The following ADRA1B variants were observed in gnomAD, a reference collection of about 807,000 sequenced individuals.
The protein encoded by ADRA1B is adrenoceptor alpha 1B.
ADRA1B carries 17 observed loss-of-function variants against 17.9 expected under a neutral mutation model. The observed-to-expected ratio is 0.95, with a 90% CI of 0.65 to 1.42. The LOEUF (loss-of-function observed/expected upper bound fraction) is 1.42. Ranked by LOEUF, ADRA1B falls within the 40% of genes most tolerant of loss-of-function variation. The probability of loss-of-function intolerance (pLI) is 0.00; values close to 1 mark genes in which losing one functional copy is unlikely to be tolerated. For missense variants in ADRA1B, 681 were observed against 722.1 expected (o/e 0.94, Z 0.65); for synonymous variants, 366 against 327.6 (o/e 1.12, Z -1.27).
chr5:159,888,187 C>A (rs1753945488), intron 1 of ADRA1B: 1 of 151,878 alleles, frequency 6.6e-6, no homozygotes, highest in Admixed American at 6.6e-5. Context: ...TTTTTGCAAA[C>A]ATACACTTCA....
intron 1 of ADRA1B, among the ~76,000 whole-genome samples, chr5:159,890,055 G>A (rs961356520): frequency 1.3e-5 from 2 of 152,194 alleles, no homozygotes; most frequent in Admixed American, 6.5e-5. Flanking sequence ...AGAGGTGTAA[G>A]AGCATGCAAT....
chr5:159,886,788 C>T (rs1176871895), intron 1 of ADRA1B, among the ~76,000 whole-genome samples: 2 of 152,060 alleles, frequency 1.3e-5, no homozygotes, highest in African/African-American at 4.8e-5. Flanking sequence ...ATCTGACTCT[C>T]AGTTCAGTTA....
intron 1 of ADRA1B, among the ~76,000 whole-genome samples, chr5:159,909,343 G>T (rs1193508275): frequency 6.6e-6 from 1 of 152,136 alleles, no homozygotes; most frequent in Non-Finnish European, 1.5e-5. Context: ...CTCCCCTGGG[G>T]CCTGGTCTGT....
At chr5:159,922,055 A>G (rs1298087113) in intron 1 of ADRA1B, among the ~76,000 whole-genome samples, 1 of 152,222 alleles carries the variant, frequency 6.6e-6, no homozygotes, top group Non-Finnish European at 1.5e-5. Flanking sequence ...TAAATCACTA[A>G]TAAGGACTTC....
intron 1 of ADRA1B, among the ~76,000 whole-genome samples, chr5:159,939,127 C>T (rs1755033448): frequency 6.6e-6 from 1 of 152,076 alleles, no homozygotes; most frequent in South Asian, 2.1e-4. Flanking sequence ...GGCAGTGTCC[C>T]CAGCCCCTCC....
At chr5:159,868,549 C>A (rs1418770281) in intron 1 of ADRA1B, 2 of 152,138 alleles carry the variant, frequency 1.3e-5, no homozygotes, top group Non-Finnish European at 2.9e-5. Context: ...TGGCTCCTAC[C>A]AGTTATGGTG....
At chr5:159,927,152 C>A (rs994157509) in intron 1 of ADRA1B, among the ~76,000 whole-genome samples, 11 of 152,108 alleles carry the variant, frequency 7.2e-5, no homozygotes, top group African/African-American at 2.7e-4. Flanking sequence ...GGCTGCCGTT[C>A]CACCTGCCTC....
intron 1 of ADRA1B, among the ~76,000 whole-genome samples, chr5:159,897,173 C>G (rs1415383660): frequency 6.6e-6 from 1 of 152,166 alleles, no homozygotes; most frequent in East Asian, 1.9e-4. Context: ...GCTTCTCTCA[C>G]TAACTAACCT....
At chr5:159,874,837 G>A (rs1430271559) in intron 1 of ADRA1B, among the ~76,000 whole-genome samples, 1 of 152,184 alleles carries the variant, frequency 6.6e-6, no homozygotes, top group Non-Finnish European at 1.5e-5. Flanking sequence ...TCCCTAGAGG[G>A]CCCCGTTTGA....
the ADRA1B span, among the ~76,000 whole-genome samples, chr5:159,987,107 G>T: frequency 6.6e-6 from 1 of 152,162 alleles, no homozygotes; most frequent in African/African-American, 2.4e-5. Context: ...CCGGGCCTAC[G>T]GGCTAAAGGA....
the ADRA1B span, among the ~76,000 whole-genome samples, chr5:159,986,019 G>C: frequency 6.6e-6 from 1 of 152,206 alleles, no homozygotes; most frequent in African/African-American, 2.4e-5. Context: ...TTAAGAAGGT[G>C]GTGGGAAGAA....
intron 1 of ADRA1B, among the ~76,000 whole-genome samples, chr5:159,945,413 C>G (rs1755241609): frequency 6.6e-6 from 1 of 152,148 alleles, no homozygotes; most frequent in Non-Finnish European, 1.5e-5. Context: ...TCGTTGAGAT[C>G]ATGGGCTGAA....
At chr5:159,884,738 C>G (rs1031115231) in intron 1 of ADRA1B, among the ~76,000 whole-genome samples, 9 of 152,160 alleles carry the variant, frequency 5.9e-5, no homozygotes, top group African/African-American at 2.2e-4. Flanking sequence ...AACCATAAAA[C>G]ACAGAGGAGT....
At chr5:159,893,705 A>G (rs1002627952) in intron 1 of ADRA1B, among the ~76,000 whole-genome samples, 2 of 152,188 alleles carry the variant, frequency 1.3e-5, no homozygotes, top group Non-Finnish European at 2.9e-5. Flanking sequence ...GGAGCAGAGA[A>G]CTGGGTGCTG....
rs558044412 is a variant in ADRA1B at position 159,949,391 on chromosome 5, C to T, written c.950-22488C>T. On this transcript the variant is annotated intron_variant, in intron 1 of 1. Transcript: ENST00000306675. ...TCTTATCCTTTTTTTGGTACATGGG[C>T]GCTTTTGAAAATCTGAGGGAAGCTA... 3.3e-5 allele frequency among the ~76,000 whole-genome samples: 5 copies of T among 152,238 alleles called. No homozygotes were observed. In the East Asian group the frequency reaches 9.7e-4, roughly 29 times the overall value.
chr5:159,911,229 A>G (rs1754224422), intron 1 of ADRA1B, among the ~76,000 whole-genome samples: 2 of 152,226 alleles, frequency 1.3e-5, no homozygotes, highest in Admixed American at 6.5e-5. Context: ...AGGGTCAGCC[A>G]GAGCCATTCA....
At chr5:159,934,700 G>A (rs1383559184) in intron 1 of ADRA1B, among the ~76,000 whole-genome samples, 1 of 152,006 alleles carries the variant, frequency 6.6e-6, no homozygotes, top group Admixed American at 6.6e-5. Context: ...ATCCACTTAG[G>A]AGGCTGAGGT....
At chr5:159,932,101 T>C (rs1203284388) in intron 1 of ADRA1B, among the ~76,000 whole-genome samples, 5 of 152,208 alleles carry the variant, frequency 3.3e-5, no homozygotes, top group Non-Finnish European at 7.3e-5. Context: ...GACTGACTTC[T>C]TATCATATCG....
chr5:159,983,318 C>A, the ADRA1B span, among the ~76,000 whole-genome samples: 1 of 152,194 alleles, frequency 6.6e-6, no homozygotes, highest in African/African-American at 2.4e-5. Flanking sequence ...CAAGGCTTTC[C>A]TCTCCACCAT....
Sources: allele counts gnomAD v4.1 joint callset (sites outside exome capture counted in the v4.1 genomes callset), GRCh38; gene constraint gnomAD v4.1.1; transcripts MANE v1.5; gene names NCBI Gene and HGNC (gene_info 2026-07-23, HGNC 2026-07-21).